The following VPS13D variants were observed in gnomAD, a reference collection of about 807,000 sequenced individuals.
VPS13D encodes the protein intermembrane lipid transfer protein VPS13D.
A neutral mutation model predicts 461.9 loss-of-function variants in VPS13D; 187 were observed. That is an observed-to-expected ratio of 0.40 (90% CI 0.36 to 0.46). VPS13D has a LOEUF of 0.46. Ranked by LOEUF, VPS13D falls within the 20% of genes least tolerant of loss-of-function variation. VPS13D has a pLI of 0.60. For missense variants in VPS13D, 4,711 were observed against 5,364.9 expected (o/e 0.88, Z 3.81); for synonymous variants, 1,951 against 1,986.3 (o/e 0.98, Z 0.47).
chr1:12,404,746 C>T (rs1370551194), intron 63 of VPS13D, among the ~76,000 whole-genome samples: 3 of 151,968 alleles, frequency 2.0e-5, no homozygotes, highest in African/African-American at 7.3e-5. Context: ...GCTTGGTAGA[C>T]AGGGAAATTG....
chr1:12,368,064 C>G (rs1323971403), intron 52 of VPS13D, among the ~76,000 whole-genome samples: 2 of 152,152 alleles, frequency 1.3e-5, no homozygotes, highest in Non-Finnish European at 2.9e-5. Context: ...AGCCACCATG[C>G]CCAGCCAGAA....
At chr1:12,370,386 GCTTAATCTTTAA>G (rs1293049107) in intron 54 of VPS13D, among the ~76,000 whole-genome samples, 1 of 152,198 alleles carries the variant, frequency 6.6e-6, no homozygotes, top group African/African-American at 2.4e-5. Flanking sequence ...ATGGAAAATA[GCTTAATCTTTAA>G]CATTACAAAT....
chr1:12,323,828 C>T, intron 35 of VPS13D, 48 bp downstream of exon 35: 4 of 1,577,188 alleles, frequency 2.5e-6, no homozygotes, highest in Non-Finnish European at 3.5e-6. Context: ...TGATGATATG[C>T]TTCCTTCCCA....
At chr1:12,421,055 T>A (rs1644856261) in intron 65 of VPS13D, among the ~76,000 whole-genome samples, 1 of 152,236 alleles carries the variant, frequency 6.6e-6, no homozygotes, top group South Asian at 2.1e-4. Flanking sequence ...TTTAATTTAT[T>A]TAATACTGGC....
intron 19 of VPS13D, among the ~76,000 whole-genome samples, chr1:12,278,479 TG>T: frequency 6.6e-6 from 1 of 152,296 alleles, no homozygotes; most frequent in Middle Eastern, 3.4e-3. Flanking sequence ...TTCACCATGT[TG>T]GCCAGGCTGG....
chr1:12,497,414 C>A, intron 67 of VPS13D, 86 bp from the exon 68 acceptor site: 1 of 1,476,678 alleles, frequency 6.8e-7, no homozygotes, highest in Non-Finnish European at 9.2e-7. Context: ...TCTCGTATTA[C>A]AGAGTGCTTT....
intron 65 of VPS13D, among the ~76,000 whole-genome samples, chr1:12,430,024 C>T (rs1644971617): frequency 6.6e-6 from 1 of 152,142 alleles, no homozygotes; most frequent in Non-Finnish European, 1.5e-5. Flanking sequence ...TAATTGTTTT[C>T]ACTGAAGTGA....
Position 12,348,808 on chromosome 1 carries a change from A to T in VPS13D, c.9070-15A>T. The stretch of plus-strand genomic sequence containing the variant: ...TCAGAAACATAACTATTTTGTCTTT[A>T]TCGCTCTTTCACAGTTCTCTTCACT... On this transcript the variant is annotated splice_polypyrimidine_tract_variant and intron_variant, in intron 44 of 69. Transcript: ENST00000620676. 1 of 1,613,076 alleles carries T rather than the reference A, an allele frequency of 6.2e-7. No individual in the cohort carries two copies. Among genetic ancestry groups the T allele is most frequent in the South Asian group, 1.1e-5 (1 of 91,044 alleles).
Position 12,382,204 on chromosome 1 carries a change from C to T in VPS13D, c.11191-772C>T, listed in dbSNP as rs149167835. Among the ~76,000 whole-genome samples, 838 of 152,070 alleles carry T rather than the reference C, an allele frequency of 5.5e-3. 7 individuals are homozygous for T. Among genetic ancestry groups the T allele is most frequent in the African/African-American group, 0.018 (756 of 41,462 alleles). On this transcript the variant is annotated intron_variant, in intron 57 of 69. Transcript: ENST00000620676. ...GCAACCTCCGCCTCCCGGGCTCAAG[C>T]GATTCTCCTGCCTCAGCCTCCTGAG...
At chr1:12,491,648 CTG>C (rs1645883380) in intron 67 of VPS13D, among the ~76,000 whole-genome samples, 1 of 152,174 alleles carries the variant, frequency 6.6e-6, no homozygotes, top group South Asian at 2.1e-4. Flanking sequence ...CAGGCACACT[CTG>C]TATTGATTGC....
At chr1:12,506,759 T>G (rs764842953) in intron 68 of VPS13D, 94 bp from the exon 69 acceptor site, 294 of 1,496,890 alleles carry the variant, frequency 2.0e-4, no homozygotes, top group Non-Finnish European at 2.5e-4. Context: ...GGATTCGCAC[T>G]CAGGCCCTGG....
chr1:12,325,107 A>T (rs79116215), intron 35 of VPS13D, among the ~76,000 whole-genome samples: 4,285 of 152,038 alleles, frequency 0.028, 110 homozygotes, highest in African/African-American at 0.061. Context: ...TTTAAAAGAC[A>T]GGGTGTCACT....
intron 39 of VPS13D, chr1:12,336,147 T>C (rs1396777214): frequency 5.0e-6 from 1 of 200,498 alleles, no homozygotes; most frequent in Non-Finnish European, 1.0e-5. Flanking sequence ...TGTTTTACTC[T>C]GCAAAACATT....
rs117846601 is a variant in VPS13D at position 12,497,347 on chromosome 1, A to G, written c.12663-153A>G. ...AATGAGGGTCTTTAACCGCTATTTC[A>G]TGGTGTATTCACAGGCAGTACTGTA... On this transcript the variant is annotated intron_variant, in intron 67 of 69. Transcript: ENST00000620676. The G allele has an allele frequency of 3.7e-6, 3 of 800,682 alleles. No homozygotes were observed. In the East Asian group the frequency reaches 1.0e-4, roughly 27 times the overall value. 49.6% of individuals were successfully genotyped at this position (800,682 alleles called of 1,614,324 possible).
intron 65 of VPS13D, among the ~76,000 whole-genome samples, chr1:12,447,948 A>C (rs185750734): frequency 9.3e-4 from 142 of 152,300 alleles, no homozygotes; most frequent in African/African-American, 3.2e-3. Context: ...ATAGTTTAGG[A>C]TGAGACATGC....
chr1:12,308,325 A>C, intron 26 of VPS13D, 106 bp from the exon 27 acceptor site: 1 of 1,219,394 alleles, frequency 8.2e-7, no homozygotes, highest in Non-Finnish European at 1.2e-6. Flanking sequence ...AGGCAGCTGT[A>C]AACATTTTCA....
At chr1:12,247,448 A>G (rs1640589014) in intron 5 of VPS13D, among the ~76,000 whole-genome samples, 1 of 151,800 alleles carries the variant, frequency 6.6e-6, no homozygotes, top group South Asian at 2.1e-4. Flanking sequence ...AAATGGTGAG[A>G]TAGCATTCTC....
At position 12,507,144 on chromosome 1, in the gene VPS13D, A is replaced by G. The variant is rs368782265; in HGVS notation, c.13035+51A>G. ...CCTGAGGGGCGGGGCCAGGGCCTCG[A>G]TGCCTCTGCCCTGCTTCCCCGTCCT... On this transcript the variant is annotated intron_variant, in intron 69 of 69. Transcript: ENST00000620676. The surrounding 1 kb of genome is among the most constrained non-coding windows in gnomAD (Gnocchi z 5.3). 6.2e-7 allele frequency: 1 copy of G among 1,611,334 alleles called. No homozygotes were observed. Among genetic ancestry groups the G allele is most frequent in the East Asian group, 2.2e-5 (1 of 44,840 alleles).
chr1:12,434,644 T>C (rs1239378978), intron 65 of VPS13D, among the ~76,000 whole-genome samples: 2 of 152,240 alleles, frequency 1.3e-5, no homozygotes, highest in East Asian at 3.9e-4. Context: ...GCCTCAGGTA[T>C]GTTTAAATCT....
Sources: allele counts gnomAD v4.1 joint callset (sites outside exome capture counted in the v4.1 genomes callset), GRCh38; gene constraint gnomAD v4.1.1; non-coding constraint Gnocchi (gnomAD v3.1); transcripts MANE v1.5; gene names NCBI Gene and HGNC (gene_info 2026-07-23, HGNC 2026-07-21).